Variants in ERCC6L2 observed in about 807,000 individuals in gnomAD.
The protein encoded by ERCC6L2 is ERCC excision repair 6 like 2.
In ERCC6L2, 77 loss-of-function variants were observed where a neutral mutation model predicts 132.0. The ratio of observed to expected loss-of-function variants is 0.58; its 90% CI spans 0.49 to 0.71. The LOEUF is 0.71. ERCC6L2 is among the 30% of genes least tolerant of loss of function. The pLI is 0.00. For missense variants in ERCC6L2, 1,542 were observed against 1,837.6 expected (o/e 0.84, Z 2.94); for synonymous variants, 583 against 632.4 (o/e 0.92, Z 1.17).
intron 13 of ERCC6L2, among the ~76,000 whole-genome samples, chr9:95,957,743 G>A (rs1310130218): frequency 6.6e-6 from 1 of 151,964 alleles, no homozygotes; most frequent in Admixed American, 6.6e-5. Flanking sequence ...AGATAAGATG[G>A]CAATCATGGA....
chr9:96,013,028 TCA>T lies in ERCC6L2; in HGVS notation c.4481_4482del (p.Thr1494ArgfsTer10). ...CAGAATGATGAGAGTCTTAGTAAAC[TCA>T]CAGACTTGGCAGTAATAGAGACTCT... is the stretch of plus-strand genomic sequence containing the variant. On this transcript the variant is annotated frameshift_variant, in exon 19 of 19. Transcript: ENST00000653738. LOFTEE classifies it low-confidence loss of function (END_TRUNC). The T allele has an allele frequency of 7.3e-7, 1 of 1,367,570 alleles. No homozygotes were observed. Among genetic ancestry groups the T allele is most frequent in the Non-Finnish European group, 9.8e-7 (1 of 1,021,826 alleles). The allele number at this position is 1,367,570 out of a possible 1,614,324, so 84.7% of individuals were successfully genotyped here.
intron 11 of ERCC6L2, among the ~76,000 whole-genome samples, chr9:95,933,217 A>G (rs951026147): frequency 6.6e-6 from 1 of 152,196 alleles, no homozygotes; most frequent in Admixed American, 6.5e-5. Flanking sequence ...AGATTTATTC[A>G]ACATAGAAAC....
At chr9:96,000,503 A>G (rs1234037011) in intron 17 of ERCC6L2, among the ~76,000 whole-genome samples, 1 of 152,234 alleles carries the variant, frequency 6.6e-6, no homozygotes, top group Admixed American at 6.5e-5. Flanking sequence ...ATATTTGTAT[A>G]TATAAATATC....
In ERCC6L2 at chr9:95,915,538, A is replaced by G. The variant is rs1829541267; in HGVS notation, c.789-130A>G. 6.7e-6 allele frequency: 6 copies of G among 894,222 alleles called. No individual in the cohort carries two copies. The East Asian group carries it at 1.5e-4, about 22-fold the overall frequency. The allele number at this position is 894,222 out of a possible 1,614,324, so 55.4% of individuals were successfully genotyped here. On this transcript the variant is annotated intron_variant, in intron 4 of 18. Coordinates refer to ENST00000653738, the MANE Select transcript of ERCC6L2 (RefSeq NM_020207.7). The stretch of plus-strand genomic sequence containing the variant: ...ATTTAACTAAGTGGGTAAGAATCCA[A>G]TGGAGTCATCAAAGAGTAAAAAGGA...
intron 13 of ERCC6L2, among the ~76,000 whole-genome samples, chr9:95,964,809 A>G (rs1383909646): frequency 6.6e-6 from 1 of 152,158 alleles, no homozygotes; most frequent in Non-Finnish European, 1.5e-5. Context: ...GTTAGCCTAC[A>G]GATGGAAGCA....
chr9:95,906,567 C>G (rs1245341737), intron 3 of ERCC6L2: 1 of 441,574 alleles, frequency 2.3e-6, no homozygotes, highest in Non-Finnish European at 4.5e-6. Flanking sequence ...AAGTTTTCTT[C>G]TGATTGCTTC....
intron 19 of ERCC6L2, among the ~76,000 whole-genome samples, chr9:96,031,904 C>T (rs1396759800): frequency 1.3e-5 from 2 of 152,216 alleles, no homozygotes; most frequent in East Asian, 3.8e-4. Flanking sequence ...AGCAAACAGA[C>T]ATTCCCACCC....
chr9:95,889,357 T>C (rs1378214677), intron 2 of ERCC6L2, among the ~76,000 whole-genome samples: 1 of 152,226 alleles, frequency 6.6e-6, no homozygotes, highest in Non-Finnish European at 1.5e-5. Context: ...GATTTGATCT[T>C]ATATTACCTC....
intron 11 of ERCC6L2, among the ~76,000 whole-genome samples, chr9:95,939,328 G>T: frequency 6.7e-6 from 1 of 150,164 alleles, no homozygotes; most frequent in Non-Finnish European, 1.5e-5. Context: ...CAATCTTTTA[G>T]GTTAAGTCTG....
intron 4 of ERCC6L2, among the ~76,000 whole-genome samples, chr9:95,912,078 C>T (rs1282574169): frequency 6.6e-6 from 1 of 152,154 alleles, no homozygotes; most frequent in Non-Finnish European, 1.5e-5. Flanking sequence ...GACTATTGAA[C>T]ATTTACATGA....
At chr9:95,946,014 A>G (rs1309220382) in intron 12 of ERCC6L2, among the ~76,000 whole-genome samples, 3 of 152,180 alleles carry the variant, frequency 2.0e-5, no homozygotes, top group Non-Finnish European at 2.9e-5. Flanking sequence ...AGATAAAAAA[A>G]TCAAATCAGG....
chr9:95,958,180 A>G (rs1312345090), intron 13 of ERCC6L2, among the ~76,000 whole-genome samples: 1 of 151,976 alleles, frequency 6.6e-6, no homozygotes, highest in Non-Finnish European at 1.5e-5. Context: ...AATGTCATCC[A>G]TGTCCCTACA....
intron 17 of ERCC6L2, 148 bp downstream of exon 17, chr9:95,978,363 G>T: frequency 2.6e-6 from 1 of 389,288 alleles, no homozygotes; most frequent in East Asian, 9.9e-5. Context: ...AACACCATTT[G>T]GGAACTGTAG....
Position 96,015,943 on chromosome 9 carries a change from C to T in ERCC6L2, c.*2740C>T, listed in dbSNP as rs1003712573. 6.6e-6 allele frequency among the ~76,000 whole-genome samples: 1 copy of T among 152,050 alleles called. No homozygotes were observed. Among genetic ancestry groups the T allele is most frequent in the African/African-American group, 2.4e-5 (1 of 41,392 alleles). Reference sequence around the variant, plus strand: ...AGTGTGTCAGGTGGAATGCAGAGTCCAGTATGAAAAGGAGCCTGTTTCAGA... The same window carrying T: ...AGTGTGTCAGGTGGAATGCAGAGTCTAGTATGAAAAGGAGCCTGTTTCAGA... On this transcript the variant is annotated 3_prime_UTR_variant, in exon 19 of 19. Coordinates refer to ENST00000653738, the MANE Select transcript of ERCC6L2 (RefSeq NM_020207.7).
At chr9:95,879,515 G>C (rs1052435059) in intron 1 of ERCC6L2, among the ~76,000 whole-genome samples, 2 of 152,146 alleles carry the variant, frequency 1.3e-5, no homozygotes, top group African/African-American at 4.8e-5. Flanking sequence ...TATGAAAATT[G>C]GGCCCATTGA....
chr9:95,986,894 G>A (rs534621824), intron 17 of ERCC6L2, among the ~76,000 whole-genome samples: 11 of 152,268 alleles, frequency 7.2e-5, no homozygotes, highest in Non-Finnish European at 1.0e-4. Flanking sequence ...AGGTTTAATG[G>A]ACTCACAGTT....
chr9:95,953,074 C>G (rs1483218481), intron 12 of ERCC6L2, among the ~76,000 whole-genome samples: 1 of 152,062 alleles, frequency 6.6e-6, no homozygotes, highest in African/African-American at 2.4e-5. Context: ...AGCTGGGGGA[C>G]TGGAGAATGG....
At chr9:96,006,926 G>A (rs186386218) in intron 18 of ERCC6L2, among the ~76,000 whole-genome samples, 4 of 152,106 alleles carry the variant, frequency 2.6e-5, no homozygotes, top group African/African-American at 9.7e-5. Flanking sequence ...ATAATTTCAG[G>A]AAAATCATCT....
intron 13 of ERCC6L2, among the ~76,000 whole-genome samples, chr9:95,957,720 A>G (rs1440373573): frequency 6.6e-6 from 1 of 152,140 alleles, no homozygotes; most frequent in Non-Finnish European, 1.5e-5. Flanking sequence ...AGAACTTTAT[A>G]TGACACAAAT....
Sources: allele counts gnomAD v4.1 joint callset (sites outside exome capture counted in the v4.1 genomes callset), GRCh38; gene constraint gnomAD v4.1.1; transcripts MANE v1.5; gene names NCBI Gene and HGNC (gene_info 2026-07-23, HGNC 2026-07-21).